The following UTP11 variants were observed in gnomAD, a reference collection of about 807,000 sequenced individuals.
UTP11 encodes the protein UTP11 small subunit processome component, also known as probable U3 small nucleolar RNA-associated protein 11.
Under a neutral mutation model 39.0 loss-of-function variants are expected in UTP11, and 29 were observed. The ratio of observed to expected loss-of-function variants is 0.74; its 90% CI spans 0.55 to 1.01. UTP11 has a LOEUF of 1.01. Among genes scored for constraint, UTP11 ranks in the 50% least tolerant of loss-of-function variants. UTP11 has a pLI of 0.00. For missense variants in UTP11, 281 were observed against 306.0 expected (o/e 0.92, Z 0.61); for synonymous variants, 111 against 105.0 (o/e 1.06, Z -0.35).
intron 1 of UTP11, among the ~76,000 whole-genome samples, chr1:38,014,835 G>A (rs1448355636): frequency 3.9e-5 from 6 of 152,002 alleles, no homozygotes; most frequent in Admixed American, 3.9e-4. Flanking sequence ...GTAGAGATGA[G>A]GTCTCACTGT....
chr1:38,016,293 C>A, intron 1 of UTP11, 66 bp from the exon 2 acceptor site: 2 of 1,503,496 alleles, frequency 1.3e-6, no homozygotes, highest in South Asian at 2.3e-5. Flanking sequence ...TGTTAGATGT[C>A]GTGTTGATTT....
At position 38,022,765 on chromosome 1, in the gene UTP11, T is replaced by G; in HGVS notation, c.634T>G (p.Leu212Val). The G allele has an allele frequency of 6.2e-7, 1 of 1,613,942 alleles. No individual in the cohort carries two copies. Among genetic ancestry groups the G allele is most frequent in the Non-Finnish European group, 8.5e-7 (1 of 1,179,928 alleles). ...LTQRIEREKKLFVIAQKIQTR... is the reference protein window; with the variant it reads ...LTQRIEREKKVFVIAQKIQTR... ...ACAGCGGATTGAACGAGAGAAGAAATTGTTCGTTATTGCTCAGAAAATTCA... is the reference window on the plus strand; with the variant it reads ...ACAGCGGATTGAACGAGAGAAGAAAGTGTTCGTTATTGCTCAGAAAATTCA... The change falls in exon 7 of 8, where the codon TTG becomes GTG. Residue 212 changes from leucine (L) to valine (V), a missense_variant. Leu to Val is a conservative substitution (Grantham distance 32). Coordinates refer to ENST00000373014, the MANE Select transcript of UTP11 (RefSeq NM_016037.4).
chr1:38,018,656 AT>A (rs930407326), intron 4 of UTP11, 79 bp downstream of exon 4: 2 of 1,103,174 alleles, frequency 1.8e-6, no homozygotes, highest in Non-Finnish European at 2.7e-6. Flanking sequence ...TTATTCATTA[AT>A]TTCTTCTGGC....
chr1:38,016,448 C>G (rs1326066855), intron 2 of UTP11, 28 bp downstream of exon 2: 1 of 1,612,810 alleles, frequency 6.2e-7, no homozygotes, highest in African/African-American at 1.3e-5. Context: ...GGTAGAGGCG[C>G]TGCCAAGAAA....
intron 5 of UTP11, 37 bp downstream of exon 5, chr1:38,019,189 A>AT (rs1246942093): frequency 4.3e-6 from 7 of 1,613,858 alleles, no homozygotes; most frequent in African/African-American, 2.7e-5. Context: ...ACAGTCTACC[A>AT]TGCCAGTCTG....
intron 2 of UTP11, chr1:38,016,683 A>C: frequency 2.4e-6 from 1 of 417,212 alleles, no homozygotes; most frequent in Admixed American, 3.8e-5. Flanking sequence ...AGTGGCTTTG[A>C]TTTGGCTCTG....
rs1646753415 is a variant in UTP11 at position 38,024,354 on chromosome 1, T to A, written c.*726T>A. Reference sequence around the variant, plus strand: ...ACGAGGCATCACTTTTTGTCCATGTTTTTGTGTTTTATAGTTACAGTAAAC... The same window carrying A: ...ACGAGGCATCACTTTTTGTCCATGTATTTGTGTTTTATAGTTACAGTAAAC... On this transcript the variant is annotated 3_prime_UTR_variant, in exon 8 of 8. Coordinates refer to ENST00000373014, the MANE Select transcript of UTP11 (RefSeq NM_016037.4). 6.6e-6 allele frequency: 1 copy of A among 152,178 alleles called. No individual in the cohort carries two copies. Among genetic ancestry groups the A allele is most frequent in the Admixed American group, 6.5e-5 (1 of 15,272 alleles). 9.4% of individuals were successfully genotyped at this position (152,178 alleles called of 1,614,324 possible). A position where few individuals can be genotyped will look rare whatever the true frequency, so the allele number is the denominator to read the frequency against.
At position 38,023,660 on chromosome 1, in the gene UTP11, C is replaced by CA. The variant is rs1056750649; in HGVS notation, c.*37dup. ...ATAGATAAGCCTTGTCATTCTGTAT[C>CA]AAAAATCTGTTGTCGTTTTCTAGTA... On this transcript the variant is annotated 3_prime_UTR_variant, in exon 8 of 8. Coordinates refer to ENST00000373014, the MANE Select transcript of UTP11 (RefSeq NM_016037.4). The CA allele has an allele frequency of 5.7e-6, 9 of 1,573,160 alleles. No individual in the cohort carries two copies. In the Admixed American group the frequency reaches 7.5e-5, roughly 13 times the overall value.
chr1:38,014,286 G>A (rs1433013912), intron 1 of UTP11, among the ~76,000 whole-genome samples: 2 of 152,240 alleles, frequency 1.3e-5, no homozygotes, highest in Non-Finnish European at 2.9e-5. Flanking sequence ...CAGATGGCCT[G>A]TGTAGAAGAG....
intron 4 of UTP11, 144 bp from the exon 5 acceptor site, chr1:38,018,915 G>A (rs569147292): frequency 3.9e-5 from 29 of 734,698 alleles, no homozygotes; most frequent in African/African-American, 3.7e-4. Context: ...ATATTTGTTG[G>A]GATCCTTTCC....
In UTP11 at chr1:38,019,109, G is replaced by C. The variant is rs1646722576; in HGVS notation, c.393G>C (p.Lys131Asn). The C allele has an allele frequency of 1.2e-6, 2 of 1,613,872 alleles. No individual in the cohort carries two copies. Among genetic ancestry groups the C allele is most frequent in the South Asian group, 2.2e-5 (2 of 91,068 alleles). The change falls in exon 5 of 8, where the codon AAG (lysine) becomes AAC (asparagine). Residue 131 changes from lysine (K) to asparagine (N), a missense_variant. Coordinates refer to ENST00000373014, the MANE Select transcript of UTP11 (RefSeq NM_016037.4). Reference protein sequence around the residue: ...SELHLLDFQGKQQNKHVFFFD... With the variant: ...SELHLLDFQGNQQNKHVFFFD... ...TCCATCTGCTGGATTTCCAGGGGAA[G>C]CAACAGAACAAGCATGTGTTCTTTT...
intron 2 of UTP11, 96 bp downstream of exon 2, chr1:38,016,516 T>C (rs1570499244): frequency 1.5e-6 from 2 of 1,304,832 alleles, no homozygotes. Flanking sequence ...GGGGATAATT[T>C]CCTGCCATTG....
At chr1:38,015,013 A>T (rs566087532) in intron 1 of UTP11, among the ~76,000 whole-genome samples, 2 of 151,790 alleles carry the variant, frequency 1.3e-5, no homozygotes, top group East Asian at 1.9e-4. Context: ...CCAAATTATT[A>T]TACAAGTTTT....
At chr1:38,015,590 C>G (rs955450318) in intron 1 of UTP11, among the ~76,000 whole-genome samples, 2 of 152,184 alleles carry the variant, frequency 1.3e-5, no homozygotes, top group Non-Finnish European at 2.9e-5. Context: ...GAGCATAGCA[C>G]ATTGCAAGAC....
At chr1:38,019,432 G>GTT (rs150395460) in intron 6 of UTP11, 49 bp downstream of exon 6, 87 of 1,042,224 alleles carry the variant, frequency 8.3e-5, no homozygotes, top group African/African-American at 5.9e-4. Flanking sequence ...GAATCTAGGT[G>GTT]TTTTTTTTTT....
rs1027625766 is a variant in UTP11 at position 38,017,852 on chromosome 1, C to G, written c.228+82C>G. 15 of 1,264,740 alleles carry G rather than the reference C, an allele frequency of 1.2e-5. No individual in the cohort carries two copies. In the Admixed American group the frequency reaches 2.3e-4, roughly 19 times the overall value. The allele number at this position is 1,264,740 out of a possible 1,614,324, so 78.3% of individuals were successfully genotyped here. A position where few individuals can be genotyped will look rare whatever the true frequency, so the allele number is the denominator to read the frequency against. On this transcript the variant is annotated intron_variant, in intron 3 of 7. Transcript: ENST00000373014. ...CAGGGAGGAGATGGAGAGGAAGAAT[C>G]GTTGGCCTTAATTTAACCCTTCTCT...
chr1:38,022,191 C>G (rs547826079), intron 6 of UTP11, among the ~76,000 whole-genome samples: 1 of 152,228 alleles, frequency 6.6e-6, no homozygotes, highest in East Asian at 1.9e-4. Context: ...GGCACTCACA[C>G]AAAGGTTGAA....
chr1:38,019,102 A>AG lies in UTP11; in HGVS notation c.390dup (p.Lys131GlufsTer11), dbSNP rs1557770031. On this transcript the variant is annotated frameshift_variant, in exon 5 of 8. Transcript: ENST00000373014. LOFTEE classifies it high-confidence loss of function. ...TCAGAGCTCCATCTGCTGGATTTCC[A>AG]GGGGAAGCAACAGAACAAGCATGTG... 1.2e-6 allele frequency: 2 copies of AG among 1,613,770 alleles called. No homozygotes were observed. Among genetic ancestry groups the AG allele is most frequent in the South Asian group, 1.1e-5 (1 of 91,060 alleles).
intron 6 of UTP11, 54 bp downstream of exon 6, chr1:38,019,437 T>TTTG (rs1213955364): frequency 7.3e-7 from 1 of 1,375,206 alleles, no homozygotes; most frequent in African/African-American, 1.5e-5. Flanking sequence ...TAGGTGTTTT[T>TTTG]TTTTTGTTTT....
Sources: allele counts gnomAD v4.1 joint callset (sites outside exome capture counted in the v4.1 genomes callset), GRCh38; gene constraint gnomAD v4.1.1; transcripts MANE v1.5; gene names NCBI Gene and HGNC (gene_info 2026-07-23, HGNC 2026-07-21).